VPS13C: variants seen among roughly 807,000 people sequenced by gnomAD.
VPS13C encodes intermembrane lipid transfer protein VPS13C.
A neutral mutation model predicts 456.8 loss-of-function variants in VPS13C; 358 were observed. The observed-to-expected ratio is 0.78, with a 90% confidence interval of 0.72 to 0.86. The LOEUF (loss-of-function observed/expected upper bound fraction) is 0.86. VPS13C is among the 40% of genes least tolerant of loss of function. The pLI is 0.00. For missense variants in VPS13C, 4,818 were observed against 4,385.4 expected, an observed-to-expected ratio of 1.10 and a Z score of -2.79; for synonymous variants, 1,578 against 1,486.7, an observed-to-expected ratio of 1.06 and a Z score of -1.41.
In VPS13C at chr15:61,974,305, G is replaced by C. The variant is rs2045640186; in HGVS notation, c.2521C>G (p.Gln841Glu). The C allele has an allele frequency of 1.9e-6, 3 of 1,611,636 alleles. No homozygotes were observed. Among genetic ancestry groups the C allele is most frequent in the Non-Finnish European group, 2.5e-6 (3 of 1,178,504 alleles). Residue 841 changes from glutamine (Q) to glutamate (E), a missense_variant, in exon 25 of 85, where the codon CAG becomes GAG. Transcript: ENST00000644861. ...CTATTTACCTGTCTCTCTGGAGACT[G>C]GGCTGATGATTTCTGTGGCAAAGGT... is the stretch of plus-strand genomic sequence containing the variant. ...SIPLPQKSSA[Q>E]SPERQVSSIP...
At chr15:61,963,742 C>T in intron 32 of VPS13C, 93 bp downstream of exon 32, 1 of 869,694 alleles carries the variant, frequency 1.1e-6, no homozygotes, top group Non-Finnish European at 1.9e-6. Context: ...CAGCTTAGAG[C>T]CCTTTATTTG....
At chr15:61,908,632 A>C (rs1323053749) in intron 65 of VPS13C, among the ~76,000 whole-genome samples, 1 of 152,156 alleles carries the variant, frequency 6.6e-6, no homozygotes. Flanking sequence ...GGAATACTTA[A>C]ACAGGTTCAC....
intron 28 of VPS13C, among the ~76,000 whole-genome samples, chr15:61,968,893 T>C (rs2045462334): frequency 6.6e-6 from 1 of 152,150 alleles, no homozygotes; most frequent in Non-Finnish European, 1.5e-5. Context: ...GTAAGCCACT[T>C]AATCTTTATT....
intron 6 of VPS13C, among the ~76,000 whole-genome samples, chr15:62,024,543 G>C (rs142115095): frequency 2.5e-4 from 38 of 152,178 alleles, no homozygotes; most frequent in African/African-American, 8.9e-4. Context: ...TCTTGAGGCA[G>C]TCTCTGTATT....
In VPS13C at chr15:61,877,066, A is replaced by C; in HGVS notation, c.10143-12T>G. The C allele has an allele frequency of 1.3e-6, 2 of 1,585,450 alleles. No individual in the cohort carries two copies. The highest frequency in any genetic ancestry group is 1.7e-6 in the Non-Finnish European group (2 of 1,162,478). On this transcript the variant is annotated splice_polypyrimidine_tract_variant and intron_variant, in intron 74 of 84. Transcript: ENST00000644861. Reference sequence around the variant, plus strand: ...CATAATAAGCAAGTCTGGGAGGAGAAAAAGGAAAGATTCAAAGATACTAAT... The same window carrying C: ...CATAATAAGCAAGTCTGGGAGGAGACAAAGGAAAGATTCAAAGATACTAAT...
chr15:61,940,919 T>C (rs1400886715), intron 46 of VPS13C, 125 bp from the exon 47 acceptor site: 9 of 911,278 alleles, frequency 9.9e-6, no homozygotes, highest in South Asian at 2.2e-5. Context: ...AGAAGTCTTT[T>C]AGAATACACT....
At chr15:61,932,143 G>C (rs2044080166) in intron 49 of VPS13C, among the ~76,000 whole-genome samples, 1 of 152,086 alleles carries the variant, frequency 6.6e-6, no homozygotes, top group Non-Finnish European at 1.5e-5. Context: ...TAGTGGTTAG[G>C]TAAAGAGTAT....
chr15:62,055,403 A>AT (rs35306432), intron 1 of VPS13C, among the ~76,000 whole-genome samples: 19,622 of 115,906 alleles, frequency 0.17, 1,693 homozygotes, highest in African/African-American at 0.27. Flanking sequence ...AATTTTTTGT[A>AT]TTTTTTTTTT....
chr15:61,971,783 A>C (rs957460744), intron 27 of VPS13C, among the ~76,000 whole-genome samples: 2 of 152,230 alleles, frequency 1.3e-5, no homozygotes, highest in Non-Finnish European at 1.5e-5. Context: ...GAAAGAGAGA[A>C]GTTGAAGAAG....
chr15:61,917,443 T>C lies in VPS13C; in HGVS notation c.7953A>G (p.Ile2651Met). The change falls in exon 60 of 85, where the codon ATA becomes ATG. Residue 2651 changes from isoleucine (I) to methionine (M), a missense_variant. This residue lies in a region of VPS13C where 4,552 missense variants were observed against 4,130.6 expected (regional missense o/e 1.10). Transcript: ENST00000644861. ...TVALPDELSY[I>M]CTHGEDWDVA... ...CATCCCAGTCTTCCCCATGTGTACA[T>C]ATGTAGCTCAATTCATCAGGCAGAG... 1 of 1,614,028 alleles carries C rather than the reference T, an allele frequency of 6.2e-7. No individual in the cohort carries two copies. Among genetic ancestry groups the C allele is most frequent in the East Asian group, 2.2e-5 (1 of 44,868 alleles).
Position 61,911,695 on chromosome 15 carries a change from G to T in VPS13C, c.8715+145C>A. The T allele has an allele frequency of 3.6e-6, 3 of 833,772 alleles. No homozygotes were observed. In the South Asian group the frequency reaches 9.0e-5, roughly 25 times the overall value. 51.6% of individuals were successfully genotyped at this position (833,772 alleles called of 1,614,324 possible). A position where few individuals can be genotyped will look rare whatever the true frequency, so the allele number is the denominator to read the frequency against. ...CTTTTCTCCTTTTTTTAAAAATATA[G>T]TAAGAGAAAAATCTTTCAAAGCTGG... On this transcript the variant is annotated intron_variant, in intron 63 of 84. Coordinates refer to ENST00000644861, the MANE Select transcript of VPS13C (RefSeq NM_020821.3).
intron 28 of VPS13C, among the ~76,000 whole-genome samples, chr15:61,968,274 A>T (rs965001477): frequency 4.6e-5 from 7 of 151,742 alleles, no homozygotes; most frequent in Non-Finnish European, 1.0e-4. Flanking sequence ...TTGAAATATT[A>T]AAAAAAATTA....
intron 3 of VPS13C, among the ~76,000 whole-genome samples, chr15:62,036,719 C>T (rs982453397): frequency 7.9e-5 from 12 of 151,994 alleles, no homozygotes; most frequent in African/African-American, 2.4e-4. Flanking sequence ...TGTCTGTTCC[C>T]TAAACCTTTT....
intron 73 of VPS13C, among the ~76,000 whole-genome samples, chr15:61,880,294 A>C (rs1325395997): frequency 6.6e-6 from 1 of 152,124 alleles, no homozygotes; most frequent in Non-Finnish European, 1.5e-5. Context: ...AGACAGTGAT[A>C]GTAGTTACAA....
Position 62,028,059 on chromosome 15 carries a change from T to C in VPS13C, c.448+299A>G, listed in dbSNP as rs944073839. On this transcript the variant is annotated intron_variant, in intron 6 of 84. Transcript: ENST00000644861. The stretch of plus-strand genomic sequence containing the variant: ...ACTAAACTCAAAAGAGTAGCCCAAA[T>C]CTGAAAGTTATCTGTAGTTCATATT... Among the ~76,000 whole-genome samples the C allele has an allele frequency of 7.9e-5, 12 of 151,998 alleles. No homozygotes were observed. The highest frequency in any genetic ancestry group is 1.5e-4 in the Non-Finnish European group (10 of 67,950).
In VPS13C at chr15:61,966,216, GTTAA is replaced by G. The variant is rs2140333430; in HGVS notation, c.2992-78_2992-75del. ...ATAAATCACTTATTTATTATCTCTG[GTTAA>G]TTTATTTATAGTTATAAATGTATTT... On this transcript the variant is annotated intron_variant, in intron 29 of 84. Coordinates refer to ENST00000644861, the MANE Select transcript of VPS13C (RefSeq NM_020821.3). The G allele has an allele frequency of 4.9e-6, 5 of 1,017,266 alleles. No homozygotes were observed. The East Asian group carries it at 1.0e-4, about 21-fold the overall frequency. 63.0% of individuals were successfully genotyped at this position (1,017,266 alleles called of 1,614,324 possible). A position where few individuals can be genotyped will look rare whatever the true frequency, so the allele number is the denominator to read the frequency against.
At chr15:61,995,329 C>T (rs8034216) in intron 16 of VPS13C, among the ~76,000 whole-genome samples, 49,464 of 152,060 alleles carry the variant, frequency 0.33, 9,495 homozygotes, top group Non-Finnish European at 0.42. Context: ...CTGCACAAGA[C>T]TGAGTTTTCC....
intron 45 of VPS13C, among the ~76,000 whole-genome samples, chr15:61,944,164 GAA>G (rs1454648347): frequency 6.6e-6 from 1 of 152,080 alleles, no homozygotes; most frequent in Non-Finnish European, 1.5e-5. Context: ...ACTGCAGAGA[GAA>G]GAGAACAATT....
rs555020120 is a variant in VPS13C, at chr15:61,881,904, G to A, written c.9625-76C>T. The A allele has an allele frequency of 2.3e-5, 29 of 1,274,202 alleles. No individual in the cohort carries two copies. The African/African-American group carries it at 4.4e-4, about 19-fold the overall frequency. The allele number at this position is 1,274,202 out of a possible 1,614,324, so 78.9% of individuals were successfully genotyped here. On this transcript the variant is annotated intron_variant, in intron 69 of 84. Coordinates refer to ENST00000644861, the MANE Select transcript of VPS13C (RefSeq NM_020821.3). The stretch of plus-strand genomic sequence containing the variant: ...TAGTTTCAAAGATAATGTTATAGAA[G>A]AGGCCACCACTTTCATCATAATTAA...
Sources: gnomAD v4.1 joint callset for allele counts (sites outside exome capture counted in the v4.1 genomes callset) on GRCh38, gnomAD v4.1.1 for gene constraint, gnomAD v4.1.1 regional missense constraint, MANE v1.5 for transcripts, NCBI Gene and HGNC (gene_info 2026-07-23, HGNC 2026-07-21) for gene names.